ASIC2: variants seen among roughly 807,000 people sequenced by gnomAD.
ASIC2 encodes acid-sensing ion channel 2.
ASIC2 carries 25 observed loss-of-function variants against 57.3 expected under a neutral mutation model. The observed-to-expected ratio is 0.44, with a 90% CI of 0.32 to 0.61. The LOEUF (loss-of-function observed/expected upper bound fraction) is 0.61. Among genes scored for constraint, ASIC2 ranks in the 20% least tolerant of loss-of-function variants. ASIC2 has a pLI of 0.06. For synonymous variants in ASIC2, 319 were observed against 307.5 expected (o/e 1.04, Z -0.39); for missense variants, 641 against 738.1 (o/e 0.87, Z 1.52).
In ASIC2 at chr17:34,061,109, T is replaced by C. The variant is rs943856571; in HGVS notation, c.555+94869A>G. ...AGAACTGTGAGACATAATCACCAGG[T>C]AATCTATGAAGGAAAACCTATCAGA... is the stretch of plus-strand genomic sequence containing the variant. On this transcript the variant is annotated intron_variant, in intron 1 of 9. Transcript: ENST00000359872. 8.5e-5 allele frequency among the ~76,000 whole-genome samples: 13 copies of C among 152,166 alleles called. 1 individual carries two copies. Among genetic ancestry groups the C allele is most frequent in the African/African-American group, 3.1e-4 (13 of 41,448 alleles).
chr17:33,758,611 C>T (rs746799268), intron 1 of ASIC2, among the ~76,000 whole-genome samples: 23 of 152,014 alleles, frequency 1.5e-4, no homozygotes, highest in Non-Finnish European at 2.4e-4. Context: ...AATCCATTCA[C>T]GGATTAATAG....
intron 1 of ASIC2, among the ~76,000 whole-genome samples, chr17:33,858,175 C>CTTTT (rs1914011759): frequency 6.6e-6 from 1 of 152,214 alleles, no homozygotes; most frequent in Admixed American, 6.5e-5. Flanking sequence ...CTGTTTCTGC[C>CTTTT]TCGTCCTTAG....
chr17:33,220,898 T>C (rs1907664102), intron 1 of ASIC2, among the ~76,000 whole-genome samples: 1 of 151,994 alleles, frequency 6.6e-6, no homozygotes, highest in Admixed American at 6.6e-5. Flanking sequence ...TGATACCTTG[T>C]CTCTAAAAAC....
At chr17:33,380,245 C>CAAAAAAAAAAAAAAAAAAAAAAAAAAA (rs10586872) in intron 1 of ASIC2, among the ~76,000 whole-genome samples, 3 of 71,064 alleles carry the variant, frequency 4.2e-5, no homozygotes, top group African/African-American at 5.1e-5. Flanking sequence ...AACCCTGTCT[C>CAAAAAAAAAAAAAAAAAAAAAAAAAAA]AAAAAAAAAA....
chr17:33,471,853 A>G (rs181747404), intron 1 of ASIC2, among the ~76,000 whole-genome samples: 6 of 152,284 alleles, frequency 3.9e-5, no homozygotes, highest in African/African-American at 1.4e-4. Flanking sequence ...GTGTTAAACC[A>G]TTTATATGCA....
intron 1 of ASIC2, chr17:33,533,858 A>C (rs535740651): frequency 6.6e-6 from 1 of 152,326 alleles, no homozygotes; most frequent in Admixed American, 6.5e-5. Flanking sequence ...TCTAATCAAC[A>C]GGAAAGTTAA....
chr17:33,865,772 CA>C (rs1156250944), intron 1 of ASIC2, among the ~76,000 whole-genome samples: 1,268 of 74,120 alleles, frequency 0.017, 15 homozygotes, highest in African/African-American at 0.041. Flanking sequence ...AAAAAAAAAA[CA>C]AAAAAAAAAA....
intron 1 of ASIC2, among the ~76,000 whole-genome samples, chr17:33,765,145 G>A (rs925856040): frequency 4.0e-5 from 6 of 151,868 alleles, no homozygotes; most frequent in Admixed American, 1.3e-4. Flanking sequence ...TCGCTCTGTC[G>A]CCCAGGCTAG....
chr17:33,980,188 A>T (rs540363990), intron 1 of ASIC2, among the ~76,000 whole-genome samples: 2 of 152,298 alleles, frequency 1.3e-5, no homozygotes, highest in Non-Finnish European at 2.9e-5. Context: ...AACAGAGACA[A>T]ATAGGTGCTG....
At chr17:33,547,688 C>CT (rs1915623279) in intron 1 of ASIC2, among the ~76,000 whole-genome samples, 1 of 152,208 alleles carries the variant, frequency 6.6e-6, no homozygotes, top group African/African-American at 2.4e-5. Context: ...GCTGGGACAA[C>CT]TCATCCCCCC....
At chr17:33,335,883 G>A (rs940918830) in intron 1 of ASIC2, among the ~76,000 whole-genome samples, 2 of 152,272 alleles carry the variant, frequency 1.3e-5, no homozygotes, top group Non-Finnish European at 2.9e-5. Flanking sequence ...AGCTCCAATC[G>A]CAGACACACA....
At chr17:33,230,455 G>T (rs1326997174) in intron 1 of ASIC2, among the ~76,000 whole-genome samples, 1 of 152,218 alleles carries the variant, frequency 6.6e-6, no homozygotes, top group Non-Finnish European at 1.5e-5. Context: ...CTTTTGTCTT[G>T]GTCACTGCTC....
intron 1 of ASIC2, among the ~76,000 whole-genome samples, chr17:33,310,136 G>T (rs1024801913): frequency 6.6e-6 from 1 of 151,652 alleles, no homozygotes; most frequent in Non-Finnish European, 1.5e-5. Flanking sequence ...GTGTTTTGAT[G>T]TCTCTATGCT....
intron 1 of ASIC2, among the ~76,000 whole-genome samples, chr17:34,120,951 G>A (rs1598036694): frequency 6.6e-6 from 1 of 151,896 alleles, no homozygotes; most frequent in East Asian, 1.9e-4. Flanking sequence ...TGTTCCCCAG[G>A]CTAGCCTTGA....
At chr17:33,200,659 T>G (rs1407334416) in intron 1 of ASIC2, among the ~76,000 whole-genome samples, 1 of 152,186 alleles carries the variant, frequency 6.6e-6, no homozygotes, top group Non-Finnish European at 1.5e-5. Flanking sequence ...ATATGGCCCC[T>G]TCTTATCACC....
chr17:33,661,411 C>T lies in ASIC2; in HGVS notation c.555+494567G>A, dbSNP rs150024998. Among the ~76,000 whole-genome samples, 714 of 152,322 alleles carry T rather than the reference C, an allele frequency of 4.7e-3. 16 individuals are homozygous for T. The South Asian group carries it at 0.047, about 10-fold the overall frequency. On this transcript the variant is annotated intron_variant, in intron 1 of 9. Coordinates refer to the ASIC2 transcript ENST00000359872. ...CCTCGCTTGGGGCTGCCCCATTGCA[C>T]AATAACGAGGGCCATCATCTTTGTA...
At chr17:33,955,598 C>G (rs1417470786) in intron 1 of ASIC2, 1 of 152,110 alleles carries the variant, frequency 6.6e-6, no homozygotes, top group Non-Finnish European at 1.5e-5. Context: ...CATTCCACCA[C>G]CCACCACCAA....
intron 2 of ASIC2, among the ~76,000 whole-genome samples, chr17:33,106,837 C>T (rs1483558114): frequency 6.6e-6 from 1 of 152,030 alleles, no homozygotes; most frequent in Non-Finnish European, 1.5e-5. Flanking sequence ...AAAACTTAGG[C>T]TCTGTTAGGA....
chr17:33,057,011 ATG>A (rs1441386028), intron 3 of ASIC2, among the ~76,000 whole-genome samples: 1 of 152,132 alleles, frequency 6.6e-6, no homozygotes, highest in Non-Finnish European at 1.5e-5. Context: ...GTGTGTATGT[ATG>A]TGTGTGAGTG....
Sources: gnomAD v4.1 joint callset for allele counts (sites outside exome capture counted in the v4.1 genomes callset) on GRCh38, gnomAD v4.1.1 for gene constraint, MANE v1.5 for transcripts, NCBI Gene and HGNC (gene_info 2026-07-23, HGNC 2026-07-21) for gene names.